Variants in TRANK1 observed in about 807,000 individuals in gnomAD.
The protein encoded by TRANK1 is TPR and ankyrin repeat-containing protein 1.
A neutral mutation model predicts 266.0 loss-of-function variants in TRANK1; 198 were observed. The ratio of observed to expected loss-of-function variants is 0.74; its 90% confidence interval spans 0.66 to 0.84. The LOEUF (loss-of-function observed/expected upper bound fraction) is 0.84. TRANK1 is among the 40% of genes least tolerant of loss of function. The pLI, the probability that TRANK1 is intolerant of heterozygous loss-of-function variation, is 0.00. For synonymous variants in TRANK1, 1,396 were observed against 1,384.1 expected, an observed-to-expected ratio of 1.01 and a Z score of -0.19; for missense variants, 3,326 against 3,634.6, an observed-to-expected ratio of 0.92 and a Z score of 2.18.
intron 2 of TRANK1, among the ~76,000 whole-genome samples, chr3:36,907,375 C>T (rs921664703): frequency 6.6e-6 from 1 of 151,914 alleles, no homozygotes; most frequent in Non-Finnish European, 1.5e-5. Flanking sequence ...GTCTTGAACT[C>T]CTGAAGTCAG....
chr3:36,867,703 T>C (rs1231294768), intron 9 of TRANK1, among the ~76,000 whole-genome samples: 1 of 152,232 alleles, frequency 6.6e-6, no homozygotes, highest in Non-Finnish European at 1.5e-5. Flanking sequence ...AACAAAAGAC[T>C]GAATAAAAAT....
In TRANK1 at chr3:36,859,344, C is replaced by A. The variant is rs540492287; in HGVS notation, c.1496-450G>T. Among the ~76,000 whole-genome samples, 41 of 151,556 alleles carry A rather than the reference C, an allele frequency of 2.7e-4. No individual in the cohort carries two copies. The South Asian group carries it at 8.1e-3, about 30-fold the overall frequency. On this transcript the variant is annotated intron_variant, in intron 11 of 23. Coordinates refer to ENST00000645898, the MANE Select transcript of TRANK1 (RefSeq NM_001329998.2). ...TGCAGGTTTGTTACATAGGTATACA[C>A]GTGTCATGGTGGTTTGCTGCACCCA...
chr3:36,881,219 AGGAG>A lies in TRANK1; in HGVS notation c.908-6927_908-6924del, dbSNP rs2079526927. 2.0e-5 allele frequency among the ~76,000 whole-genome samples: 3 copies of A among 152,190 alleles called. No homozygotes were observed. In the South Asian group the frequency reaches 6.2e-4, roughly 32 times the overall value. On this transcript the variant is annotated intron_variant, in intron 8 of 23. Coordinates refer to ENST00000645898, the MANE Select transcript of TRANK1 (RefSeq NM_001329998.2). The stretch of plus-strand genomic sequence containing the variant: ...GTAATCCCAGGACTTTGGGAGGCCG[AGGAG>A]GGCAGATCACCTGAGCTCAGGAGTT...
At chr3:36,839,603 CTTG>C in intron 18 of TRANK1, among the ~76,000 whole-genome samples, 1 of 152,316 alleles carries the variant, frequency 6.6e-6, no homozygotes, top group Non-Finnish European at 1.5e-5. Context: ...CTTTCCCTGT[CTTG>C]TTAACTTCAT....
At chr3:36,893,610 A>T (rs1453807741) in intron 5 of TRANK1, among the ~76,000 whole-genome samples, 1 of 152,196 alleles carries the variant, frequency 6.6e-6, no homozygotes, top group Non-Finnish European at 1.5e-5. Context: ...CCAGTTGTTA[A>T]ACTACTGACC....
chr3:36,899,241 A>T lies in TRANK1; in HGVS notation c.301T>A (p.Tyr101Asn). Residue 101 changes from tyrosine to asparagine, a missense_variant, in exon 4 of 24, where the codon TAT (tyrosine) becomes AAT (asparagine). Coordinates refer to ENST00000645898, the MANE Select transcript of TRANK1 (RefSeq NM_001329998.2). ...TYVKGYYRAGYSLLRLHQPYE... is the reference protein window; with the variant it reads ...TYVKGYYRAGNSLLRLHQPYE... The stretch of plus-strand genomic sequence containing the variant: ...GGCTGGTGCAACCTCAGCAAGGAAT[A>T]ACCAGCTCGGTAGTATCCCTGGAAC... The T allele has an allele frequency of 6.5e-7, 1 of 1,537,332 alleles. No individual in the cohort carries two copies. The highest frequency in any genetic ancestry group is 8.7e-7 in the Non-Finnish European group (1 of 1,146,930).
intron 15 of TRANK1, chr3:36,850,426 C>A: frequency 1.0e-6 from 1 of 985,368 alleles, no homozygotes; most frequent in Non-Finnish European, 1.2e-6. Flanking sequence ...CATCTCCAGG[C>A]TCTGCCATCT....
intron 1 of TRANK1, among the ~76,000 whole-genome samples, chr3:36,918,530 A>AGAAGGAAGGAAGGAAGGAAGGAAGGAAG (rs1291730952): frequency 5.3e-5 from 1 of 18,782 alleles, no homozygotes; most frequent in African/African-American, 2.2e-4. Flanking sequence ...AAAGAAAGAA[A>AGAAGGAAGGAAGGAAGGAAGGAAGGAAG]GAAGGAAGGA....
At chr3:36,929,917 T>TTGTTGC (rs1027642670) in intron 1 of TRANK1, among the ~76,000 whole-genome samples, 3 of 152,074 alleles carry the variant, frequency 2.0e-5, no homozygotes, top group Non-Finnish European at 4.4e-5. Context: ...GTTGTTGTTG[T>TTGTTGC]TGTTTTGAGA....
At chr3:36,854,258 G>T (rs911077304) in intron 13 of TRANK1, among the ~76,000 whole-genome samples, 7 of 152,046 alleles carry the variant, frequency 4.6e-5, no homozygotes, top group Non-Finnish European at 1.0e-4. Context: ...TACTTGGGAG[G>T]CTGAGGCAGG....
Position 36,832,791 on chromosome 3 carries a change from A to C in TRANK1, c.6792T>G (p.Leu2264=). 6.2e-7 allele frequency: 1 copy of C among 1,614,024 alleles called. No homozygotes were observed. The highest frequency in any genetic ancestry group is 8.5e-7 in the Non-Finnish European group (1 of 1,179,892). The change falls in exon 22 of 24, where the codon CTT becomes CTG. Residue 2264 remains leucine, a synonymous_variant. Coordinates refer to ENST00000645898, the MANE Select transcript of TRANK1 (RefSeq NM_001329998.2). ...DYILSTDMYG[L]CKSILDVLFP... is the part of the protein sequence containing the mutation. ...AAAGGACATCCAGAATGGACTTGCA[A>C]AGGCCATACATATCTGTAGACAAAA... is the stretch of plus-strand genomic sequence containing the variant.
rs1271333105 is a variant in TRANK1 at position 36,833,591 on chromosome 3, G to A, written c.5992C>T (p.Leu1998Phe). 6 of 1,613,828 alleles carry A rather than the reference G, an allele frequency of 3.7e-6. No homozygotes were observed. Among genetic ancestry groups the A allele is most frequent in the Non-Finnish European group, 5.1e-6 (6 of 1,179,902 alleles). ...ATGTCGGAATCCCTGGCCACATTGA[G>A]GCGGGCGGCCCCCAGCAGACATGAG... ...QASCLLGAARLNVARDSDIEH... is the reference protein window; with the variant it reads ...QASCLLGAARFNVARDSDIEH... The change falls in exon 22 of 24, where the codon CTC (leucine) becomes TTC (phenylalanine). Residue 1998 changes from leucine to phenylalanine, a missense_variant. Coordinates refer to ENST00000645898, the MANE Select transcript of TRANK1 (RefSeq NM_001329998.2).
At chr3:36,852,787 A>C (rs63266060) in intron 13 of TRANK1, among the ~76,000 whole-genome samples, 21,931 of 149,700 alleles carry the variant, frequency 0.15, 1,998 homozygotes, top group East Asian at 0.27. Flanking sequence ...AAAAAAAAAA[A>C]AAAAAAAAAA....
In TRANK1 at chr3:36,874,275, A is replaced by T; in HGVS notation, c.929T>A (p.Met310Lys). 1 of 1,537,104 alleles carries T rather than the reference A, an allele frequency of 6.5e-7. No individual in the cohort carries two copies. Among genetic ancestry groups the T allele is most frequent in the Non-Finnish European group, 8.7e-7 (1 of 1,146,836 alleles). ...LVKRQTEDVQ[M>K]LLRFGADPTL... ...GGGATCTGCCCCAAAGCGCAGGAGCATCTGCACATCCTCTGTTTGTCCTAG... is the reference window on the plus strand; with the variant it reads ...GGGATCTGCCCCAAAGCGCAGGAGCTTCTGCACATCCTCTGTTTGTCCTAG... Residue 310 changes from methionine to lysine, a missense_variant, in exon 9 of 24, where the codon ATG becomes AAG. By Grantham distance (95) the Met-to-Lys change is moderately conservative. Coordinates refer to ENST00000645898, the MANE Select transcript of TRANK1 (RefSeq NM_001329998.2).
chr3:36,918,070 C>T (rs1011070659), intron 1 of TRANK1, among the ~76,000 whole-genome samples: 1 of 152,006 alleles, frequency 6.6e-6, no homozygotes, highest in African/African-American at 2.4e-5. Context: ...ACTATTTAGC[C>T]TTAGAAAGGA....
At chr3:36,918,641 GAA>G (rs2080172266) in intron 1 of TRANK1, among the ~76,000 whole-genome samples, 1 of 143,364 alleles carries the variant, frequency 7.0e-6, no homozygotes, top group African/African-American at 2.6e-5. Flanking sequence ...GAAAGAAAGA[GAA>G]AGAAAGAGAG....
intron 9 of TRANK1, among the ~76,000 whole-genome samples, chr3:36,867,211 G>A (rs1048591911): frequency 8.6e-5 from 13 of 151,934 alleles, no homozygotes; most frequent in African/African-American, 3.1e-4. Context: ...AAAAAAAATA[G>A]GACCTTTGGT....
At chr3:36,906,846 CA>C (rs1280652176) in intron 2 of TRANK1, among the ~76,000 whole-genome samples, 6 of 152,300 alleles carry the variant, frequency 3.9e-5, no homozygotes, top group African/African-American at 1.4e-4. Flanking sequence ...TTCAGAATTG[CA>C]AGAGAAAAAA....
chr3:36,912,768 A>G (rs1179617529), intron 1 of TRANK1, among the ~76,000 whole-genome samples: 4 of 152,232 alleles, frequency 2.6e-5, no homozygotes, highest in Non-Finnish European at 5.9e-5. Context: ...CTGGCAACAC[A>G]GATGGCCTAT....
Sources: allele counts gnomAD v4.1 joint callset (sites outside exome capture counted in the v4.1 genomes callset), GRCh38; gene constraint gnomAD v4.1.1; transcripts MANE v1.5; gene names NCBI Gene and HGNC (gene_info 2026-07-23, HGNC 2026-07-21).